RBMS3: variants seen among roughly 807,000 people sequenced by gnomAD.
RBMS3 encodes RNA binding motif single stranded interacting protein 3, also known as RNA-binding motif, single-stranded-interacting protein 3.
RBMS3 carries 27 observed loss-of-function variants against 66.8 expected under a neutral mutation model. The ratio of observed to expected loss-of-function variants is 0.40; its 90% CI spans 0.30 to 0.56. The LOEUF is 0.56. Ranked by LOEUF, RBMS3 falls within the 20% of genes least tolerant of loss-of-function variation. The pLI, the probability that RBMS3 is intolerant of heterozygous loss-of-function variation, is 0.40. For synonymous variants in RBMS3, 188 were observed against 183.0 expected (o/e 1.03, Z -0.22); for missense variants, 513 against 549.5 (o/e 0.93, Z 0.66).
intron 6 of RBMS3, among the ~76,000 whole-genome samples, chr3:29,854,599 G>C (rs1398448567): frequency 6.6e-6 from 1 of 152,184 alleles, no homozygotes; most frequent in East Asian, 1.9e-4. Context: ...AGAAAGGAAG[G>C]TTGACTTGAT....
chr3:29,385,837 G>T (rs1008186017), intron 1 of RBMS3, among the ~76,000 whole-genome samples: 1 of 152,032 alleles, frequency 6.6e-6, no homozygotes, highest in African/African-American at 2.4e-5. Flanking sequence ...TTACTTTTGG[G>T]TCGTTTGTTC....
intron 6 of RBMS3, among the ~76,000 whole-genome samples, chr3:29,831,416 A>C (rs1559717514): frequency 6.6e-6 from 1 of 152,162 alleles, no homozygotes; most frequent in Non-Finnish European, 1.5e-5. Context: ...GGAAAAAATA[A>C]TGTGTGAAGC....
In RBMS3 at chr3:30,007,360, T is replaced by A. The variant is rs1699831410; in HGVS notation, c.*3498T>A. On this transcript the variant is annotated 3_prime_UTR_variant, in exon 15 of 15. Transcript: ENST00000383767. Reference sequence around the variant, plus strand: ...AAGTTGAAGTTAATTTTCTGTGCATTCTGGTCCACCAGATTTTCAAGCATT... The same window carrying A: ...AAGTTGAAGTTAATTTTCTGTGCATACTGGTCCACCAGATTTTCAAGCATT... The A allele has an allele frequency of 6.6e-6, 1 of 152,092 alleles. No individual in the cohort carries two copies. The highest frequency in any genetic ancestry group is 2.1e-4 in the South Asian group (1 of 4,826). 9.4% of individuals were successfully genotyped at this position (152,092 alleles called of 1,614,324 possible).
intron 1 of RBMS3, among the ~76,000 whole-genome samples, chr3:29,410,253 A>G (rs995408107): frequency 6.6e-6 from 1 of 152,354 alleles, no homozygotes; most frequent in Middle Eastern, 3.4e-3. Context: ...AGGAAAAAAC[A>G]AAGTGCCACC....
chr3:29,918,390 AG>A (rs2060690540), intron 10 of RBMS3, among the ~76,000 whole-genome samples: 1 of 152,222 alleles, frequency 6.6e-6, no homozygotes, highest in Middle Eastern at 3.4e-3. Flanking sequence ...TTTAGCTAAA[AG>A]CTTTGATTTT....
intron 4 of RBMS3, among the ~76,000 whole-genome samples, chr3:29,640,219 A>G (rs115675328): frequency 8.9e-4 from 135 of 151,564 alleles, no homozygotes; most frequent in African/African-American, 3.2e-3. Context: ...ATATCTGGAT[A>G]ATCTCATGCA....
intron 6 of RBMS3, among the ~76,000 whole-genome samples, chr3:29,865,730 G>A (rs1341174173): frequency 2.0e-5 from 3 of 152,064 alleles, no homozygotes; most frequent in Non-Finnish European, 4.4e-5. Flanking sequence ...GTCACTGATG[G>A]CCCATCATGC....
intron 1 of RBMS3, among the ~76,000 whole-genome samples, chr3:29,294,456 A>AC (rs113353438): frequency 0.026 from 3,974 of 151,818 alleles, 193 homozygotes; most frequent in African/African-American, 0.091. Flanking sequence ...GAAAAAAAAA[A>AC]CATAGTACTG....
At position 29,752,352 on chromosome 3, in the gene RBMS3, C is replaced by T. The variant is rs1036176780; in HGVS notation, c.558-10558C>T. Among the ~76,000 whole-genome samples the T allele has an allele frequency of 2.6e-5, 4 of 152,048 alleles. No individual in the cohort carries two copies. In the South Asian group the frequency reaches 8.3e-4, roughly 32 times the overall value. The stretch of plus-strand genomic sequence containing the variant: ...ATGGGTACAGGGTGGAGGGTGGGGC[C>T]GGCCAGGGTAGTTTTGGAAAAGGCA... On this transcript the variant is annotated intron_variant, in intron 5 of 14. Coordinates refer to ENST00000383767, the MANE Select transcript of RBMS3 (RefSeq NM_001003793.3).
chr3:29,322,846 G>A (rs541136931), intron 1 of RBMS3, among the ~76,000 whole-genome samples: 2 of 152,166 alleles, frequency 1.3e-5, no homozygotes, highest in East Asian at 3.9e-4. Context: ...CCTCTTAGCC[G>A]TTCAATGAAT....
At chr3:29,953,824 G>A (rs928716914) in intron 12 of RBMS3, among the ~76,000 whole-genome samples, 6 of 151,704 alleles carry the variant, frequency 4.0e-5, no homozygotes, top group Non-Finnish European at 7.4e-5. Context: ...TTCCAAACAC[G>A]AGTCTTCCCA....
intron 12 of RBMS3, among the ~76,000 whole-genome samples, chr3:29,946,232 C>T (rs980004227): frequency 4.0e-5 from 6 of 151,650 alleles, no homozygotes; most frequent in African/African-American, 1.5e-4. Context: ...ATTGAATCTG[C>T]TTTTCTCAAT....
intron 2 of RBMS3, among the ~76,000 whole-genome samples, chr3:29,469,640 CAACT>C (rs2042653634): frequency 6.7e-6 from 1 of 149,824 alleles, no homozygotes; most frequent in Non-Finnish European, 1.5e-5. Context: ...TTTAAATAGA[CAACT>C]AACATGGGAA....
At chr3:29,859,780 TGTAACCTTCAA>T (rs2059167514) in intron 6 of RBMS3, among the ~76,000 whole-genome samples, 1 of 152,226 alleles carries the variant, frequency 6.6e-6, no homozygotes, top group African/African-American at 2.4e-5. Flanking sequence ...AATTCTGTGT[TGTAACCTTCAA>T]GTAATTTTTG....
rs1470007487 is a variant in RBMS3 at position 30,007,302 on chromosome 3, C to T, written c.*3440C>T. Reference sequence around the variant, plus strand: ...ACGGAGTCTCGCTCTGTCGCCCATCCTAACTAGGACTATAATCTTTTTTTT... The same window carrying T: ...ACGGAGTCTCGCTCTGTCGCCCATCTTAACTAGGACTATAATCTTTTTTTT... On this transcript the variant is annotated 3_prime_UTR_variant, in exon 15 of 15. Transcript: ENST00000383767. 1 of 152,038 alleles carries T rather than the reference C, an allele frequency of 6.6e-6. No individual in the cohort carries two copies. Among genetic ancestry groups the T allele is most frequent in the Non-Finnish European group, 1.5e-5 (1 of 67,960 alleles). The allele number at this position is 152,038 out of a possible 1,614,324, so 9.4% of individuals were successfully genotyped here.
At chr3:29,909,049 A>G (rs1411001417) in intron 10 of RBMS3, among the ~76,000 whole-genome samples, 1 of 152,150 alleles carries the variant, frequency 6.6e-6, no homozygotes, top group Non-Finnish European at 1.5e-5. Flanking sequence ...AAGTGAAAAT[A>G]ATACACAAAA....
chr3:29,586,644 G>A (rs896222695), intron 3 of RBMS3, among the ~76,000 whole-genome samples: 1 of 152,088 alleles, frequency 6.6e-6, no homozygotes, highest in Non-Finnish European at 1.5e-5. Flanking sequence ...TTTATTGAAT[G>A]CCTACTGTGT....
At chr3:29,448,136 A>C (rs979240062) in intron 2 of RBMS3, among the ~76,000 whole-genome samples, 1 of 152,176 alleles carries the variant, frequency 6.6e-6, no homozygotes, top group African/African-American at 2.4e-5. Context: ...TGCACAGTGA[A>C]CTCTCTGATC....
intron 6 of RBMS3, among the ~76,000 whole-genome samples, chr3:29,827,865 A>T (rs1393679444): frequency 6.6e-6 from 1 of 152,174 alleles, no homozygotes; most frequent in South Asian, 2.1e-4. Context: ...GAAATGAAAT[A>T]ATAAGATTGT....
Sources: gnomAD v4.1 joint callset for allele counts (sites outside exome capture counted in the v4.1 genomes callset) on GRCh38, gnomAD v4.1.1 for gene constraint, MANE v1.5 for transcripts, NCBI Gene and HGNC (gene_info 2026-07-23, HGNC 2026-07-21) for gene names.